RAB31: variants seen among roughly 807,000 people sequenced by gnomAD.
The protein encoded by RAB31 is RAB31, member RAS oncogene family.
RAB31 carries 21 observed loss-of-function variants against 25.6 expected under a neutral mutation model. That is an observed-to-expected ratio of 0.82 (90% CI 0.58 to 1.18). The LOEUF is 1.18. Ranked by LOEUF, RAB31 falls within the 50% of genes most tolerant of loss-of-function variation. The pLI, the probability that RAB31 is intolerant of heterozygous loss-of-function variation, is 0.00. For missense variants in RAB31, 196 were observed against 250.1 expected (o/e 0.78, Z 1.46); for synonymous variants, 87 against 84.0 (o/e 1.04, Z -0.20).
chr18:9,829,232 A>G (rs533646652), intron 5 of RAB31, among the ~76,000 whole-genome samples: 14 of 152,140 alleles, frequency 9.2e-5, no homozygotes, highest in Non-Finnish European at 1.6e-4. Flanking sequence ...GGTGATAACC[A>G]CTTGTTTTCG....
intron 5 of RAB31, among the ~76,000 whole-genome samples, chr18:9,841,126 C>CT (rs1317799067): frequency 1.3e-5 from 2 of 152,066 alleles, no homozygotes; most frequent in African/African-American, 4.8e-5. Flanking sequence ...GAGATAGGGC[C>CT]TTGCTATGCT....
intron 6 of RAB31, among the ~76,000 whole-genome samples, chr18:9,849,099 C>T (rs941057334): frequency 6.6e-6 from 1 of 152,150 alleles, no homozygotes; most frequent in East Asian, 1.9e-4. Flanking sequence ...GTGGCTAATT[C>T]TCTTCCATGC....
At position 9,784,318 on chromosome 18, in the gene RAB31, G is replaced by A. The variant is rs574989665; in HGVS notation, c.120-7836G>A. Among the ~76,000 whole-genome samples the A allele has an allele frequency of 4.6e-5, 7 of 152,154 alleles. No individual in the cohort carries two copies. In the East Asian group the frequency reaches 9.7e-4, roughly 21 times the overall value. On this transcript the variant is annotated intron_variant, in intron 2 of 6. Coordinates refer to ENST00000578921, the MANE Select transcript of RAB31 (RefSeq NM_006868.4). ...GCCTCCCAAAGTGCTGGGATTACAG[G>A]TGTCAGCCACCATGCTCGGCTCTAC...
In RAB31 at chr18:9,730,823, G is replaced by A. The variant is rs575446110; in HGVS notation, c.39+22379G>A. On this transcript the variant is annotated intron_variant, in intron 1 of 6. Transcript: ENST00000578921. ...GGCTGGGCGGCAGGCATTCATTTCC[G>A]TAAGCCTCTCTCTTTCCTCCTATAT... Among the ~76,000 whole-genome samples the A allele has an allele frequency of 3.9e-5, 6 of 152,288 alleles. No individual in the cohort carries two copies. The South Asian group carries it at 1.0e-3, about 26-fold the overall frequency.
intron 2 of RAB31, among the ~76,000 whole-genome samples, chr18:9,789,931 T>C (rs2068451839): frequency 6.6e-6 from 1 of 152,142 alleles, no homozygotes; most frequent in Non-Finnish European, 1.5e-5. Flanking sequence ...GTGGGGATAG[T>C]GTGGGAATTG....
chr18:9,854,535 A>T (rs2068805893), intron 6 of RAB31, among the ~76,000 whole-genome samples: 1 of 152,040 alleles, frequency 6.6e-6, no homozygotes, highest in East Asian at 1.9e-4. Flanking sequence ...GGCTCACCTA[A>T]CCCCTGACCT....
At chr18:9,767,136 A>G (rs1199360650) in intron 1 of RAB31, among the ~76,000 whole-genome samples, 2 of 152,242 alleles carry the variant, frequency 1.3e-5, no homozygotes, top group Non-Finnish European at 2.9e-5. Flanking sequence ...GTGATCCCCA[A>G]TGGGATGTCA....
At chr18:9,858,098 G>A (rs529044239) in intron 6 of RAB31, among the ~76,000 whole-genome samples, 2 of 152,284 alleles carry the variant, frequency 1.3e-5, no homozygotes, top group Non-Finnish European at 2.9e-5. Flanking sequence ...TAGAAAAGTA[G>A]CAAAGAGACC....
chr18:9,793,706 G>C (rs2068473303), intron 3 of RAB31, among the ~76,000 whole-genome samples: 1 of 151,928 alleles, frequency 6.6e-6, no homozygotes, highest in Non-Finnish European at 1.5e-5. Context: ...GCCAAGCAGA[G>C]ATAACCAATA....
chr18:9,835,841 G>A (rs1170988726), intron 5 of RAB31, among the ~76,000 whole-genome samples: 1 of 152,038 alleles, frequency 6.6e-6, no homozygotes, highest in Non-Finnish European at 1.5e-5. Flanking sequence ...TGTTAAAATG[G>A]TTGCCTCATC....
At position 9,767,306 on chromosome 18, in the gene RAB31, G is replaced by A. The variant is rs117911874; in HGVS notation, c.40-7972G>A. On this transcript the variant is annotated intron_variant, in intron 1 of 6. Coordinates refer to ENST00000578921, the MANE Select transcript of RAB31 (RefSeq NM_006868.4). Reference sequence around the variant, plus strand: ...TTATTTAACTACATTCTGAGGAATGGAATCCCTGAGTTGATGGGTCTTGTT... The same window carrying A: ...TTATTTAACTACATTCTGAGGAATGAAATCCCTGAGTTGATGGGTCTTGTT... Among the ~76,000 whole-genome samples the A allele has an allele frequency of 4.8e-3, 725 of 152,306 alleles. 4 individuals carry two copies. Among genetic ancestry groups the A allele is most frequent in the Non-Finnish European group, 8.8e-3 (601 of 68,030 alleles).
intron 2 of RAB31, among the ~76,000 whole-genome samples, chr18:9,775,590 A>G (rs1205274739): frequency 6.6e-6 from 1 of 151,404 alleles, no homozygotes; most frequent in Non-Finnish European, 1.5e-5. Context: ...GCTACCTCCT[A>G]AGGTCATTTC....
intron 5 of RAB31, among the ~76,000 whole-genome samples, chr18:9,826,045 C>T (rs1433904682): frequency 1.3e-5 from 2 of 152,066 alleles, no homozygotes; most frequent in Non-Finnish European, 2.9e-5. Flanking sequence ...ACCCATGTAA[C>T]AAACCTGCAC....
In RAB31 at chr18:9,766,980, A is replaced by G. The variant is rs2068319543; in HGVS notation, c.40-8298A>G. Among the ~76,000 whole-genome samples, 2 of 152,136 alleles carry G rather than the reference A, an allele frequency of 1.3e-5. No individual in the cohort carries two copies. The highest frequency in any genetic ancestry group is 2.9e-5 in the Non-Finnish European group (2 of 68,028). On this transcript the variant is annotated intron_variant, in intron 1 of 6. Coordinates refer to ENST00000578921, the MANE Select transcript of RAB31 (RefSeq NM_006868.4). This position sits in a 1 kb window ranked among gnomAD's most constrained non-coding sequence, Gnocchi z 4.3. ...TCAAAACAAACAAACAAAACCCCAA[A>G]CCAAAACAAACAAAAAGAAGTATGT...
intron 6 of RAB31, among the ~76,000 whole-genome samples, chr18:9,857,697 TAGATA>T (rs1568198181): frequency 2.6e-4 from 38 of 148,412 alleles, no homozygotes; most frequent in African/African-American, 9.5e-4. Context: ...GATAGATAGA[TAGATA>T]GATAGATAGA....
intron 1 of RAB31, among the ~76,000 whole-genome samples, chr18:9,718,048 C>T (rs1239536747): frequency 2.0e-5 from 3 of 152,044 alleles, no homozygotes; most frequent in Admixed American, 1.3e-4. Context: ...GTGCCCACCA[C>T]CACACTTGGA....
At chr18:9,796,562 C>T (rs1399099182) in intron 3 of RAB31, among the ~76,000 whole-genome samples, 1 of 151,980 alleles carries the variant, frequency 6.6e-6, no homozygotes, top group African/African-American at 2.4e-5. Flanking sequence ...CACTTTTACC[C>T]AAATTAAGTA....
chr18:9,770,592 T>C (rs2068339402), intron 1 of RAB31, among the ~76,000 whole-genome samples: 1 of 152,226 alleles, frequency 6.6e-6, no homozygotes, highest in Non-Finnish European at 1.5e-5. Context: ...AGTACGTCTC[T>C]GATATCGACT....
intron 1 of RAB31, chr18:9,735,023 T>TG (rs1283226087): frequency 5.4e-6 from 1 of 185,482 alleles, no homozygotes; most frequent in African/African-American, 2.4e-5. Flanking sequence ...TTGTTGTTGT[T>TG]TTGTTTTTTT....
Sources: gnomAD v4.1 joint callset for allele counts (sites outside exome capture counted in the v4.1 genomes callset) on GRCh38, gnomAD v4.1.1 for gene constraint, Gnocchi (gnomAD v3.1) non-coding constraint, MANE v1.5 for transcripts, NCBI Gene and HGNC (gene_info 2026-07-23, HGNC 2026-07-21) for gene names.